Variants in OSMR observed in about 807,000 individuals in gnomAD.
The protein encoded by OSMR is oncostatin-M-specific receptor subunit beta.
A neutral mutation model predicts 99.9 loss-of-function variants in OSMR; 81 were observed. That is an observed-to-expected ratio of 0.81 (90% confidence interval 0.68 to 0.97). The LOEUF is 0.97. Among genes scored for constraint, OSMR ranks in the 50% least tolerant of loss-of-function variants. OSMR has a pLI of 0.00. For synonymous variants in OSMR, 406 were observed against 410.4 expected, an observed-to-expected ratio of 0.99 and a Z score of 0.13; for missense variants, 1,099 against 1,153.4, an observed-to-expected ratio of 0.95 and a Z score of 0.68.
At chr5:38,879,278 A>G (rs391795) in intron 3 of OSMR, among the ~76,000 whole-genome samples, 147,130 of 152,394 alleles carry the variant, frequency 0.97, 71,066 homozygotes, top group African/African-American at 0.99. Context: ...CCCCAAGCAC[A>G]TGAGGACAGG....
chr5:38,924,996 G>T, intron 14 of OSMR: 1 of 736,292 alleles, frequency 1.4e-6, no homozygotes, highest in Non-Finnish European at 1.7e-6. Flanking sequence ...TTGTTCAGTG[G>T]ATTTTTTGCT....
chr5:38,884,620 A>T (rs1743561996), intron 5 of OSMR, among the ~76,000 whole-genome samples: 1 of 152,232 alleles, frequency 6.6e-6, no homozygotes, highest in South Asian at 2.1e-4. Context: ...GAATGTGGGT[A>T]GTGCCTAGCC....
chr5:38,908,340 C>A (rs1027189029), intron 9 of OSMR, among the ~76,000 whole-genome samples: 2 of 152,204 alleles, frequency 1.3e-5, no homozygotes, highest in African/African-American at 4.8e-5. Flanking sequence ...GCCTGCATCC[C>A]CCCACCAGGG....
At chr5:38,851,707 A>C (rs1740367348) in intron 1 of OSMR, among the ~76,000 whole-genome samples, 1 of 152,114 alleles carries the variant, frequency 6.6e-6, no homozygotes, top group Non-Finnish European at 1.5e-5. Flanking sequence ...TTTGAAACTG[A>C]CTTATTCACT....
chr5:38,898,948 A>ATTTTT (rs1561381072), intron 7 of OSMR, among the ~76,000 whole-genome samples: 4 of 108,948 alleles, frequency 3.7e-5, no homozygotes, highest in Non-Finnish European at 5.4e-5. Flanking sequence ...TTTACATAAT[A>ATTTTT]TCTTTTTTTT....
intron 7 of OSMR, among the ~76,000 whole-genome samples, chr5:38,892,133 G>A (rs540503956): frequency 2.6e-5 from 4 of 152,306 alleles, no homozygotes; most frequent in African/African-American, 7.2e-5. Context: ...ATGGGAGGAA[G>A]CAGGAGCATG....
intron 3 of OSMR, among the ~76,000 whole-genome samples, chr5:38,877,155 T>A (rs1026016618): frequency 4.6e-5 from 7 of 152,164 alleles, no homozygotes; most frequent in African/African-American, 1.7e-4. Context: ...GTGGAATGTT[T>A]TCTCATTAAA....
rs1743626609 is a variant in OSMR, at chr5:38,885,330, T to A, written c.704-19T>A. The A allele has an allele frequency of 6.2e-7, 1 of 1,613,362 alleles. No individual in the cohort carries two copies. Among genetic ancestry groups the A allele is most frequent in the Non-Finnish European group, 8.5e-7 (1 of 1,179,762 alleles). On this transcript the variant is annotated intron_variant, in intron 5 of 17. Transcript: ENST00000274276. ...CAATAAAAAGATTTAACTAGGTCTG[T>A]TTTCCTTTGTATGGACAGAAGTACT...
At chr5:38,941,714 T>C (rs1390204932) in intron 1 of OSMR, 1 of 229,004 alleles carries the variant, frequency 4.4e-6, no homozygotes, top group Non-Finnish European at 8.7e-6. Flanking sequence ...AAGTCCCGGG[T>C]TGTTGAGGCT....
chr5:38,904,284 A>T, intron 8 of OSMR, 69 bp from the exon 9 acceptor site: 1 of 1,557,274 alleles, frequency 6.4e-7, no homozygotes, highest in South Asian at 1.2e-5. Flanking sequence ...TTGTAATGGG[A>T]TGCACTCACC....
At chr5:38,892,245 T>C (rs1337521903) in intron 7 of OSMR, among the ~76,000 whole-genome samples, 1 of 152,086 alleles carries the variant, frequency 6.6e-6, no homozygotes, top group Non-Finnish European at 1.5e-5. Flanking sequence ...TACCTGAACA[T>C]TTCAGCTGTG....
chr5:38,889,824 A>G (rs1357568314), intron 7 of OSMR, among the ~76,000 whole-genome samples: 1 of 152,040 alleles, frequency 6.6e-6, no homozygotes, highest in East Asian at 1.9e-4. Context: ...TGTAATTTTT[A>G]TTACCTGTTT....
chr5:38,914,482 T>A (rs1185376498), intron 9 of OSMR, among the ~76,000 whole-genome samples: 1 of 152,238 alleles, frequency 6.6e-6, no homozygotes, highest in East Asian at 1.9e-4. Flanking sequence ...ACAGAGCTAC[T>A]GTTCCACCCA....
At chr5:38,862,948 G>A (rs1741587399) in intron 1 of OSMR, among the ~76,000 whole-genome samples, 1 of 152,024 alleles carries the variant, frequency 6.6e-6, no homozygotes, top group African/African-American at 2.4e-5. Flanking sequence ...GATCAGTCGC[G>A]GTTAGGAGCT....
chr5:38,874,117 T>C (rs12515033), intron 2 of OSMR, among the ~76,000 whole-genome samples: 27,024 of 152,172 alleles, frequency 0.18, 2,704 homozygotes, highest in Admixed American at 0.25. Context: ...GTAGTATGGA[T>C]ACTGGAACCT....
At chr5:38,872,884 G>A (rs935306949) in intron 2 of OSMR, among the ~76,000 whole-genome samples, 1 of 152,156 alleles carries the variant, frequency 6.6e-6, no homozygotes, top group Non-Finnish European at 1.5e-5. Context: ...TTTGGCAATA[G>A]AATGAAAAGA....
At chr5:38,892,888 T>C (rs1744249576) in intron 7 of OSMR, among the ~76,000 whole-genome samples, 1 of 148,998 alleles carries the variant, frequency 6.7e-6, no homozygotes, top group Admixed American at 6.8e-5. Context: ...TACAGAGACC[T>C]AAGTGCACTT....
intron 9 of OSMR, among the ~76,000 whole-genome samples, chr5:38,916,982 G>T (rs1745936027): frequency 6.6e-6 from 1 of 152,014 alleles, no homozygotes; most frequent in African/African-American, 2.4e-5. Context: ...GGTGCTGCAG[G>T]TGCCTTAAGT....
At chr5:38,894,582 G>A (rs1017632157) in intron 7 of OSMR, among the ~76,000 whole-genome samples, 5 of 87,102 alleles carry the variant, frequency 5.7e-5, no homozygotes, top group Non-Finnish European at 2.3e-5. Context: ...ACCAACAACA[G>A]TTAAAAAAGA....
Sources: gnomAD v4.1 joint callset for allele counts (sites outside exome capture counted in the v4.1 genomes callset) on GRCh38, gnomAD v4.1.1 for gene constraint, MANE v1.5 for transcripts, NCBI Gene and HGNC (gene_info 2026-07-23, HGNC 2026-07-21) for gene names.